Variants in PCOLCE2 observed in about 807,000 individuals in gnomAD.
PCOLCE2 encodes procollagen C-proteinase enhancer 2.
Under a neutral mutation model 47.0 loss-of-function variants are expected in PCOLCE2, and 42 were observed. That is an observed-to-expected ratio of 0.89 (90% CI 0.70 to 1.16). PCOLCE2 has a LOEUF of 1.16. Ranked by LOEUF, PCOLCE2 falls within the 50% of genes most tolerant of loss-of-function variation. The pLI is 0.00. For missense variants in PCOLCE2, 500 were observed against 526.1 expected, an observed-to-expected ratio of 0.95 and a Z score of 0.49; for synonymous variants, 169 against 191.7, an observed-to-expected ratio of 0.88 and a Z score of 0.98.
chr3:142,873,914 C>T (rs1344139456), intron 2 of PCOLCE2, among the ~76,000 whole-genome samples: 1 of 152,106 alleles, frequency 6.6e-6, no homozygotes, highest in African/African-American at 2.4e-5. Flanking sequence ...TTAGAAGTCT[C>T]CTAATATGGT....
intron 2 of PCOLCE2, among the ~76,000 whole-genome samples, chr3:142,865,833 T>G (rs1428705299): frequency 6.6e-6 from 1 of 152,238 alleles, no homozygotes; most frequent in Non-Finnish European, 1.5e-5. Context: ...GGATATAGTC[T>G]TTTAATCTAA....
intron 2 of PCOLCE2, among the ~76,000 whole-genome samples, chr3:142,851,784 C>A (rs763638139): frequency 1.2e-4 from 19 of 152,280 alleles, no homozygotes; most frequent in Non-Finnish European, 2.4e-4. Context: ...TAGATTATTT[C>A]ATCAAGGAGA....
intron 2 of PCOLCE2, among the ~76,000 whole-genome samples, chr3:142,867,708 T>A (rs892025473): frequency 1.3e-5 from 2 of 152,226 alleles, no homozygotes; most frequent in African/African-American, 4.8e-5. Context: ...CTAGAAAGAC[T>A]GATGATACCA....
At chr3:142,885,827 A>G (rs1389513997) in intron 2 of PCOLCE2, among the ~76,000 whole-genome samples, 5 of 152,020 alleles carry the variant, frequency 3.3e-5, no homozygotes, top group Admixed American at 6.5e-5. Flanking sequence ...ACAAAATTCA[A>G]ACTCTCCACC....
chr3:142,820,926 TC>T lies in PCOLCE2; in HGVS notation c.1068del (p.Met356IlefsTer5). 1 of 1,614,166 alleles carries T rather than the reference TC, an allele frequency of 6.2e-7. No individual in the cohort carries two copies. Among genetic ancestry groups the T allele is most frequent in the Non-Finnish European group, 8.5e-7 (1 of 1,180,008 alleles). On this transcript the variant is annotated frameshift_variant, in exon 8 of 9. Transcript: ENST00000295992. LOFTEE classifies it high-confidence loss of function. ...TTGCAGACGACAGTCAGCCTGGCACTCATGTTCTTGCCCGCCTGCTGAATCG... is the reference window on the plus strand; with the variant it reads ...TTGCAGACGACAGTCAGCCTGGCACTATGTTCTTGCCCGCCTGCTGAATCG... ...NLAIQQAGKN[M>X]SARLTVVCKQ...
At chr3:142,863,096 C>CAAAAAAAAAAAAAAAAAAAAAAA (rs35383176) in intron 2 of PCOLCE2, among the ~76,000 whole-genome samples, 1 of 85,994 alleles carries the variant, frequency 1.2e-5, no homozygotes. Flanking sequence ...GTCTGGCAGG[C>CAAAAAAAAAAAAAAAAAAAAAAA]AAAAAAAAAA....
At chr3:142,861,550 T>G (rs992030463) in intron 2 of PCOLCE2, among the ~76,000 whole-genome samples, 4 of 152,220 alleles carry the variant, frequency 2.6e-5, no homozygotes, top group African/African-American at 9.7e-5. Context: ...TCTTGTTGTT[T>G]CCTTTGTTTT....
At chr3:142,838,317 G>A (rs536552375) in intron 5 of PCOLCE2, among the ~76,000 whole-genome samples, 3 of 152,194 alleles carry the variant, frequency 2.0e-5, no homozygotes, top group South Asian at 2.1e-4. Flanking sequence ...CAATGTTGAG[G>A]AGAAGCGTGG....
intron 7 of PCOLCE2, 97 bp downstream of exon 7, chr3:142,823,435 T>C: frequency 2.7e-6 from 2 of 734,182 alleles, no homozygotes; most frequent in South Asian, 3.4e-5. Flanking sequence ...GCAGCGTTAT[T>C]GACCCTTCAC....
intron 7 of PCOLCE2, among the ~76,000 whole-genome samples, chr3:142,822,637 G>A (rs1258019295): frequency 6.6e-6 from 1 of 152,186 alleles, no homozygotes; most frequent in East Asian, 1.9e-4. Flanking sequence ...GAGTAAACTG[G>A]ATGTGGTAGC....
intron 3 of PCOLCE2, among the ~76,000 whole-genome samples, chr3:142,847,280 T>G (rs1022776146): frequency 3.4e-4 from 52 of 152,204 alleles, no homozygotes; most frequent in African/African-American, 1.1e-3. Flanking sequence ...TTTATACGAA[T>G]ATTTTGTGCC....
chr3:142,827,400 C>T lies in PCOLCE2; in HGVS notation c.865+2292G>A, dbSNP rs1937094127. 3 of 1,566,894 alleles carry T rather than the reference C, an allele frequency of 1.9e-6. No homozygotes were observed. In the East Asian group the frequency reaches 6.7e-5, roughly 35 times the overall value. On this transcript the variant is annotated intron_variant, in intron 6 of 8. Coordinates refer to ENST00000295992, the MANE Select transcript of PCOLCE2 (RefSeq NM_013363.4). ...ACAGCTCTGTTGGCTGAGGAGACAA[C>T]CTTCTTGGAGCCAGAGGGCAGCTTC... is the stretch of plus-strand genomic sequence containing the variant.
At chr3:142,847,606 G>A (rs972056062) in intron 3 of PCOLCE2, among the ~76,000 whole-genome samples, 8 of 152,186 alleles carry the variant, frequency 5.3e-5, no homozygotes, top group African/African-American at 9.6e-5. Context: ...GCATGATCAC[G>A]GTCACTGCAG....
chr3:142,855,177 C>G (rs911089458), intron 2 of PCOLCE2, among the ~76,000 whole-genome samples: 1 of 152,192 alleles, frequency 6.6e-6, no homozygotes, highest in Non-Finnish European at 1.5e-5. Context: ...TTAGATCACA[C>G]AGCCCTCTTA....
chr3:142,838,950 G>A, intron 4 of PCOLCE2, 44 bp from the exon 5 acceptor site: 1 of 1,451,974 alleles, frequency 6.9e-7, no homozygotes, highest in Non-Finnish European at 9.6e-7. Context: ...TAATAGCATT[G>A]TTGAATAACC....
intron 8 of PCOLCE2, among the ~76,000 whole-genome samples, chr3:142,819,770 C>T (rs927507792): frequency 1.2e-4 from 18 of 152,246 alleles, no homozygotes; most frequent in African/African-American, 3.9e-4. Context: ...TTCAGCCTCA[C>T]GAGTAGCTGG....
chr3:142,830,507 A>T (rs1328550898), intron 5 of PCOLCE2, among the ~76,000 whole-genome samples: 1 of 152,200 alleles, frequency 6.6e-6, no homozygotes, highest in Admixed American at 6.5e-5. Context: ...AAATGGAAAC[A>T]TTTCTATTAT....
Position 142,838,781 on chromosome 3 carries a change from A to C in PCOLCE2, c.699T>G (p.Asp233Glu), listed in dbSNP as rs779831214. ...TAGGTGCTACTTACGCAGGTGGACT[A>C]TCACCACAATACTTTCCAATTCTTC... is the stretch of plus-strand genomic sequence containing the variant. ...DARRIGKYCG[D>E]SPPAPIVSER... The change falls in exon 5 of 9, where the codon GAT becomes GAG. Residue 233 changes from aspartate (D) to glutamate (E), a missense_variant. Coordinates refer to ENST00000295992, the MANE Select transcript of PCOLCE2 (RefSeq NM_013363.4). 6.2e-7 allele frequency: 1 copy of C among 1,613,902 alleles called. No homozygotes were observed. The highest frequency in any genetic ancestry group is 8.5e-7 in the Non-Finnish European group (1 of 1,179,818).
chr3:142,821,069 T>C (rs1338036812), intron 7 of PCOLCE2, 24 bp from the exon 8 acceptor site: 1 of 1,566,800 alleles, frequency 6.4e-7, no homozygotes, highest in Non-Finnish European at 8.8e-7. Flanking sequence ...CATTTTGAAG[T>C]GATGTGACAG....
Sources: allele counts gnomAD v4.1 joint callset (sites outside exome capture counted in the v4.1 genomes callset), GRCh38; gene constraint gnomAD v4.1.1; transcripts MANE v1.5; gene names NCBI Gene and HGNC (gene_info 2026-07-23, HGNC 2026-07-21).